The following GRIN2B variants were observed in gnomAD, a reference collection of about 807,000 sequenced individuals.
The protein encoded by GRIN2B is glutamate receptor ionotropic, NMDA 2B.
GRIN2B carries 5 observed loss-of-function variants against 114.5 expected under a neutral mutation model. The ratio of observed to expected loss-of-function variants is 0.04; its 90% CI spans 0.02 to 0.09. The LOEUF (loss-of-function observed/expected upper bound fraction) is 0.09, where lower values mean the gene tolerates loss of function less well. Among genes scored for constraint, GRIN2B ranks in the 10% least tolerant of loss-of-function variants. GRIN2B has a pLI of 1.00. For missense variants in GRIN2B, 1,108 were observed against 1,943.5 expected, an observed-to-expected ratio of 0.57 and a Z score of 8.08; for synonymous variants, 787 against 745.1, an observed-to-expected ratio of 1.06 and a Z score of -0.92.
At chr12:13,872,806 G>T (rs1346118752) in intron 2 of GRIN2B, among the ~76,000 whole-genome samples, 1 of 152,090 alleles carries the variant, frequency 6.6e-6, no homozygotes, top group African/African-American at 2.4e-5. Context: ...ATTAACAAAA[G>T]TCTTAACAAG....
In GRIN2B at chr12:13,564,393, A is replaced by G. The variant is rs201982602; in HGVS notation, c.2845T>C (p.Tyr949His). The G allele has an allele frequency of 6.8e-6, 11 of 1,614,106 alleles. No homozygotes were observed. The highest frequency in any genetic ancestry group is 5.0e-5 in the Admixed American group (3 of 60,008). ...TTCTCCTCACAGGGCGGGTTGTTGT[A>G]GGATTTGCAGTCAGAATGCGTGAAG... The part of the protein sequence containing the change: ...RSFTHSDCKS[Y>H]NNPPCEENLF... The change falls in exon 14 of 14, where the codon TAC becomes CAC. Residue 949 changes from tyrosine (Y) to histidine (H), a missense_variant. By Grantham distance (83) the Tyr-to-His change is moderately conservative. Transcript: ENST00000609686. The surrounding 1 kb of genome is among the most constrained non-coding windows in gnomAD (Gnocchi z 4.8).
At chr12:13,945,670 A>AATGAGGGGTGAT (rs1867351448) in intron 2 of GRIN2B, among the ~76,000 whole-genome samples, 1 of 152,148 alleles carries the variant, frequency 6.6e-6, no homozygotes, top group Non-Finnish European at 1.5e-5. Context: ...ATTAAGAGTC[A>AATGAGGGGTGAT]ATGAGGGGTG....
chr12:13,639,170 C>A (rs1248082678), intron 5 of GRIN2B, among the ~76,000 whole-genome samples: 20 of 152,076 alleles, frequency 1.3e-4, no homozygotes, highest in Admixed American at 1.2e-3. Flanking sequence ...ATATTCTTTC[C>A]AGGCAAGGTA....
At chr12:13,916,737 T>TTGTGTGTGTGTG (rs57501769) in intron 2 of GRIN2B, among the ~76,000 whole-genome samples, 13,866 of 139,692 alleles carry the variant, frequency 0.099, 785 homozygotes, top group South Asian at 0.13. Context: ...ACACACACAT[T>TTGTGTGTGTGTG]TGTGTGTGTG....
intron 3 of GRIN2B, among the ~76,000 whole-genome samples, chr12:13,861,843 A>G (rs933969702): frequency 4.6e-5 from 7 of 152,112 alleles, no homozygotes; most frequent in Admixed American, 4.6e-4. Context: ...GCATCATGAT[A>G]CACTCTCACT....
intron 2 of GRIN2B, among the ~76,000 whole-genome samples, chr12:13,879,386 T>C (rs1182023025): frequency 6.6e-6 from 1 of 152,156 alleles, no homozygotes; most frequent in Non-Finnish European, 1.5e-5. Flanking sequence ...ATTATGATCT[T>C]ACAGAACCAC....
At chr12:13,913,865 A>C (rs1430547271) in intron 2 of GRIN2B, among the ~76,000 whole-genome samples, 1 of 152,218 alleles carries the variant, frequency 6.6e-6, no homozygotes, top group Non-Finnish European at 1.5e-5. Flanking sequence ...TTCCTCATCT[A>C]TAAAATAGAC....
chr12:13,762,602 A>G (rs1863699243), intron 3 of GRIN2B, among the ~76,000 whole-genome samples: 1 of 152,230 alleles, frequency 6.6e-6, no homozygotes, highest in Admixed American at 6.5e-5. Flanking sequence ...AAGGCATTTT[A>G]TATTTGATTA....
intron 10 of GRIN2B, among the ~76,000 whole-genome samples, chr12:13,607,172 T>A (rs1334785015): frequency 2.6e-5 from 3 of 115,426 alleles, no homozygotes; most frequent in African/African-American, 6.8e-5. Flanking sequence ...ATATAAAAAA[T>A]ATATATAATA....
At chr12:13,724,195 C>T (rs542300173) in intron 4 of GRIN2B, among the ~76,000 whole-genome samples, 1 of 152,236 alleles carries the variant, frequency 6.6e-6, no homozygotes, top group South Asian at 2.1e-4. Flanking sequence ...CTCTGTAGTC[C>T]CTACAGGCCA....
At chr12:13,833,336 A>T (rs901693449) in intron 3 of GRIN2B, among the ~76,000 whole-genome samples, 1 of 152,124 alleles carries the variant, frequency 6.6e-6, no homozygotes, top group Admixed American at 6.5e-5. Flanking sequence ...GGAGATGAAT[A>T]CCCTAGAACC....
intron 4 of GRIN2B, among the ~76,000 whole-genome samples, chr12:13,748,400 G>A (rs1393408468): frequency 2.6e-5 from 4 of 152,186 alleles, no homozygotes; most frequent in East Asian, 1.9e-4. Flanking sequence ...CAGAGTACAT[G>A]GAGAAGGAAA....
At chr12:13,863,781 G>T in intron 3 of GRIN2B, among the ~76,000 whole-genome samples, 1 of 152,184 alleles carries the variant, frequency 6.6e-6, no homozygotes, top group Non-Finnish European at 1.5e-5. Flanking sequence ...GCTAGTTTAG[G>T]CATAACTTTT....
intron 4 of GRIN2B, among the ~76,000 whole-genome samples, chr12:13,708,964 A>G (rs1241768424): frequency 1.3e-5 from 2 of 152,068 alleles, no homozygotes; most frequent in East Asian, 1.9e-4. Context: ...TAAATGAGAA[A>G]CCCAGGTTTA....
chr12:13,813,165 C>G (rs1245235540), intron 3 of GRIN2B, among the ~76,000 whole-genome samples: 1 of 152,012 alleles, frequency 6.6e-6, no homozygotes, highest in Non-Finnish European at 1.5e-5. Context: ...GTCTCGAACT[C>G]CTGATGTGAT....
intron 2 of GRIN2B, among the ~76,000 whole-genome samples, chr12:13,973,087 G>C (rs1428870471): frequency 6.6e-6 from 1 of 152,154 alleles, no homozygotes; most frequent in Admixed American, 6.5e-5. Context: ...AATTAGCTAT[G>C]GGAAAAAGAA....
At chr12:13,888,825 C>T (rs1192096613) in intron 2 of GRIN2B, among the ~76,000 whole-genome samples, 4 of 151,174 alleles carry the variant, frequency 2.6e-5, no homozygotes, top group African/African-American at 4.9e-5. Context: ...GCACTTACCA[C>T]GAATGGAGCC....
rs1025884346 is a variant in GRIN2B at position 13,752,155 on chromosome 12, A to G, written c.1010+1162T>C. ...AAGTTACCCACTCAACCTCCACTATATGTTTTTTAACATCCCAAGTACACC... is the reference window on the plus strand; with the variant it reads ...AAGTTACCCACTCAACCTCCACTATGTGTTTTTTAACATCCCAAGTACACC... On this transcript the variant is annotated intron_variant, in intron 4 of 13. Coordinates refer to ENST00000609686, the MANE Select transcript of GRIN2B (RefSeq NM_000834.5). Among the ~76,000 whole-genome samples, 39 of 152,188 alleles carry G rather than the reference A, an allele frequency of 2.6e-4. 1 individual carries two copies. Among genetic ancestry groups the G allele is most frequent in the Admixed American group, 2.0e-4 (3 of 15,286 alleles).
intron 4 of GRIN2B, among the ~76,000 whole-genome samples, chr12:13,703,927 T>C (rs10845824): frequency 0.5 from 75,369 of 151,992 alleles, 19,131 homozygotes; most frequent in Non-Finnish European, 0.56. Flanking sequence ...TACAGAAATA[T>C]ACCCAGTATA....
Sources: gnomAD v4.1 joint callset for allele counts (sites outside exome capture counted in the v4.1 genomes callset) on GRCh38, gnomAD v4.1.1 for gene constraint, Gnocchi (gnomAD v3.1) non-coding constraint, MANE v1.5 for transcripts, NCBI Gene and HGNC (gene_info 2026-07-23, HGNC 2026-07-21) for gene names.